The following ARL8B variants were observed in gnomAD, a reference collection of about 807,000 sequenced individuals.
ARL8B encodes the protein ARF like GTPase 8B.
A neutral mutation model predicts 30.6 loss-of-function variants in ARL8B; 9 were observed. The observed-to-expected ratio is 0.29, with a 90% CI of 0.18 to 0.51. The LOEUF is 0.51. Among genes scored for constraint, ARL8B ranks in the 20% least tolerant of loss-of-function variants. The pLI is 0.97. For missense variants in ARL8B, 130 were observed against 227.2 expected (o/e 0.57, Z 2.75); for synonymous variants, 74 against 76.0 (o/e 0.97, Z 0.14).
intron 1 of ARL8B, among the ~76,000 whole-genome samples, chr3:5,140,544 C>A (rs3864059): frequency 0.3 from 45,139 of 150,752 alleles, 6,849 homozygotes; most frequent in African/African-American, 0.35. Context: ...AGAACAGACT[C>A]ATACACCTTC....
In ARL8B at chr3:5,175,347, G is replaced by T. The variant is rs561263963; in HGVS notation, c.511+933G>T. ...TTAAAGAAGAAAATGCAATAAAGTC[G>T]TGAGGTTAAGATTATGTGATACCAA... On this transcript the variant is annotated intron_variant, in intron 6 of 6. Coordinates refer to ENST00000256496, the MANE Select transcript of ARL8B (RefSeq NM_018184.3). 3.9e-5 allele frequency among the ~76,000 whole-genome samples: 6 copies of T among 152,286 alleles called. No individual in the cohort carries two copies. The East Asian group carries it at 7.7e-4, about 20-fold the overall frequency.
intron 1 of ARL8B, among the ~76,000 whole-genome samples, chr3:5,154,924 G>T (rs114064912): frequency 0.021 from 3,131 of 152,160 alleles, 54 homozygotes; most frequent in Middle Eastern, 0.061. Context: ...AAGTAGACTT[G>T]TGTTTTCACT....
chr3:5,124,625 A>G (rs1305399352), intron 1 of ARL8B, among the ~76,000 whole-genome samples: 1 of 151,562 alleles, frequency 6.6e-6, no homozygotes, highest in African/African-American at 2.4e-5. Flanking sequence ...TGCTACCACC[A>G]TGGCTCGCTA....
intron 1 of ARL8B, among the ~76,000 whole-genome samples, chr3:5,169,591 C>T (rs1171252085): frequency 6.7e-6 from 1 of 150,136 alleles, no homozygotes; most frequent in Non-Finnish European, 1.5e-5. Context: ...AGTAGCCATC[C>T]TACTGGATGT....
chr3:5,173,881 AC>A, intron 4 of ARL8B, 135 bp from the exon 5 acceptor site: 1 of 731,434 alleles, frequency 1.4e-6, no homozygotes, highest in Non-Finnish European at 2.4e-6. Flanking sequence ...GAGACAAGCC[AC>A]CAGTTACACA....
intron 1 of ARL8B, among the ~76,000 whole-genome samples, chr3:5,160,444 A>T (rs1019736363): frequency 8.5e-5 from 13 of 152,226 alleles, no homozygotes; most frequent in African/African-American, 3.1e-4. Flanking sequence ...ACCTTTTAAA[A>T]TGACTATTTT....
Position 5,122,300 on chromosome 3 carries a change from C to T in ARL8B, c.-166C>T, listed in dbSNP as rs1445056905. 12 of 1,504,874 alleles carry T rather than the reference C, an allele frequency of 8.0e-6. No individual in the cohort carries two copies. The East Asian group carries it at 1.8e-4, about 22-fold the overall frequency. The allele number at this position is 1,504,874 out of a possible 1,614,324, so 93.2% of individuals were successfully genotyped here. On this transcript the variant is annotated 5_prime_UTR_variant, in exon 1 of 7. Coordinates refer to ENST00000256496, the MANE Select transcript of ARL8B (RefSeq NM_018184.3). ...GGGGGGTAGGGCGAGTCATATGATC[C>T]GCTCGGCTTCCTGGGTCTGGCTGCT... is the stretch of plus-strand genomic sequence containing the variant.
chr3:5,172,563 T>TA, intron 3 of ARL8B, 84 bp from the exon 4 acceptor site: 2 of 945,100 alleles, frequency 2.1e-6, no homozygotes, highest in Non-Finnish European at 1.6e-6. Flanking sequence ...ATGTAAATCT[T>TA]ACAAAAATTA....
chr3:5,142,824 A>C (rs1008402894), intron 1 of ARL8B, among the ~76,000 whole-genome samples: 10 of 152,276 alleles, frequency 6.6e-5, no homozygotes, highest in African/African-American at 2.4e-4. Context: ...TACCTGAGAC[A>C]CTACTTTTGG....
At chr3:5,144,902 G>T (rs1283758665) in intron 1 of ARL8B, among the ~76,000 whole-genome samples, 1 of 152,172 alleles carries the variant, frequency 6.6e-6, no homozygotes, top group Non-Finnish European at 1.5e-5. Context: ...TTTTCCAAAA[G>T]TGTGTACCAC....
intron 1 of ARL8B, among the ~76,000 whole-genome samples, chr3:5,157,326 C>A (rs1412060748): frequency 6.6e-6 from 1 of 152,182 alleles, no homozygotes; most frequent in Non-Finnish European, 1.5e-5. Context: ...AGATGTATTA[C>A]TCCAGTTCGT....
At chr3:5,162,406 T>C (rs909826891) in intron 1 of ARL8B, among the ~76,000 whole-genome samples, 1 of 152,254 alleles carries the variant, frequency 6.6e-6, no homozygotes, top group Non-Finnish European at 1.5e-5. Flanking sequence ...CTAGTGTTTT[T>C]GGAAGAGTTA....
At chr3:5,122,664 TG>T in intron 1 of ARL8B, 76 bp downstream of exon 1, 1 of 1,503,400 alleles carries the variant, frequency 6.7e-7, no homozygotes, top group East Asian at 2.4e-5. Flanking sequence ...AGGCCTGAGT[TG>T]GGGCCCCCCT....
Position 5,180,264 on chromosome 3 carries a change from C to G in ARL8B, c.*1551C>G, listed in dbSNP as rs1324259960. The G allele has an allele frequency of 6.6e-6, 1 of 152,622 alleles. No homozygotes were observed. Among genetic ancestry groups the G allele is most frequent in the Non-Finnish European group, 1.5e-5 (1 of 68,038 alleles). 9.5% of individuals were successfully genotyped at this position (152,622 alleles called of 1,614,324 possible). On this transcript the variant is annotated 3_prime_UTR_variant, in exon 7 of 7. Coordinates refer to ENST00000256496, the MANE Select transcript of ARL8B (RefSeq NM_018184.3). ...TGTTGCACAGACACTACTTGCTTTT[C>G]TCCATTCATATTTTTATGAGTAGAA...
At chr3:5,175,993 G>A (rs2054726744) in intron 6 of ARL8B, among the ~76,000 whole-genome samples, 1 of 152,066 alleles carries the variant, frequency 6.6e-6, no homozygotes, top group Admixed American at 6.6e-5. Flanking sequence ...ACTTTTTAGG[G>A]GGACATTAAA....
At chr3:5,123,257 C>T (rs2054199679) in intron 1 of ARL8B, among the ~76,000 whole-genome samples, 3 of 152,170 alleles carry the variant, frequency 2.0e-5, no homozygotes, top group African/African-American at 7.2e-5. Context: ...GATGGATCTG[C>T]AGTTAGCATA....
chr3:5,137,437 C>CTT (rs368417212), intron 1 of ARL8B, among the ~76,000 whole-genome samples: 4 of 132,698 alleles, frequency 3.0e-5, no homozygotes, highest in Admixed American at 7.6e-5. Flanking sequence ...TTAATTTTCT[C>CTT]TTTTTTTTTT....
chr3:5,176,953 A>G (rs62255889), intron 6 of ARL8B, among the ~76,000 whole-genome samples: 16,663 of 152,230 alleles, frequency 0.11, 1,035 homozygotes, highest in Non-Finnish European at 0.14. Context: ...TAAACATACT[A>G]TAACCTCCAC....
chr3:5,162,581 G>C (rs1428528312), intron 1 of ARL8B, among the ~76,000 whole-genome samples: 1 of 152,104 alleles, frequency 6.6e-6, no homozygotes, highest in African/African-American at 2.4e-5. Flanking sequence ...TGGGCCATCA[G>C]GTAAAAGAAG....
Sources: allele counts gnomAD v4.1 joint callset (sites outside exome capture counted in the v4.1 genomes callset), GRCh38; gene constraint gnomAD v4.1.1; transcripts MANE v1.5; gene names NCBI Gene and HGNC (gene_info 2026-07-23, HGNC 2026-07-21).